The following RSRP1 variants were observed in gnomAD, a reference collection of about 807,000 sequenced individuals.
The protein encoded by RSRP1 is arginine and serine rich protein 1.
RSRP1 carries 37 observed loss-of-function variants against 33.0 expected under a neutral mutation model. The observed-to-expected ratio is 1.12, with a 90% CI of 0.86 to 1.48. The LOEUF (loss-of-function observed/expected upper bound fraction) is 1.48, where lower values mean the gene tolerates loss of function less well. RSRP1 is among the 40% of genes most tolerant of loss of function. The pLI, the probability that RSRP1 is intolerant of heterozygous loss-of-function variation, is 0.00. For missense variants in RSRP1, 402 were observed against 385.3 expected, an observed-to-expected ratio of 1.04 and a Z score of -0.36; for synonymous variants, 167 against 158.7, an observed-to-expected ratio of 1.05 and a Z score of -0.40.
chr1:25,259,979 C>G (rs1640078877), intron 1 of RSRP1, among the ~76,000 whole-genome samples: 1 of 151,800 alleles, frequency 6.6e-6, no homozygotes. Flanking sequence ...GATACGACAG[C>G]TCTCTGTGCA....
At position 25,303,735 on chromosome 1, in the gene RSRP1, G is replaced by T. The variant is rs1211386625; in HGVS notation, c.-67+34243C>A. 1.5e-5 allele frequency among the ~76,000 whole-genome samples: 2 copies of T among 131,762 alleles called. 1 individual carries two copies. The highest frequency in any genetic ancestry group is 3.6e-5 in the Non-Finnish European group (2 of 55,642). The allele number at this position is 131,762 out of a possible 152,430, so 86.4% of individuals were successfully genotyped here. On this transcript the variant is annotated intron_variant, in intron 1 of 1. Coordinates refer to the RSRP1 transcript ENST00000561867. ...GTCACAGAACTCAAGGACAGGGACT[G>T]GAGTGTTGTGGGGAGCCCCGAAGCC...
At chr1:25,295,850 A>G (rs28451966) in intron 1 of RSRP1, among the ~76,000 whole-genome samples, 72,147 of 81,334 alleles carry the variant, frequency 0.89, 33,213 homozygotes, top group South Asian at 0.98. Flanking sequence ...AATATGGGAA[A>G]TTTTTTTTTT....
At chr1:25,303,674 G>A (rs1643576234) in intron 1 of RSRP1, among the ~76,000 whole-genome samples, 2 of 131,860 alleles carry the variant, frequency 1.5e-5, no homozygotes, top group South Asian at 4.6e-4. Context: ...AGCTTGCTTG[G>A]GCATTGGGGA....
chr1:25,251,127 C>G (rs911622657), upstream of RSRP1, among the ~76,000 whole-genome samples: 3 of 152,056 alleles, frequency 2.0e-5, no homozygotes, highest in African/African-American at 7.2e-5. Context: ...AGGAAACAGA[C>G]CTCAATCCCA....
In RSRP1 at chr1:25,245,282, T is replaced by C; in HGVS notation, c.540A>G (p.Glu180=). 1 of 1,613,816 alleles carries C rather than the reference T, an allele frequency of 6.2e-7. No individual in the cohort carries two copies. Among genetic ancestry groups the C allele is most frequent in the Non-Finnish European group, 8.5e-7 (1 of 1,179,900 alleles). Residue 180 remains glutamate, a synonymous_variant, in exon 3 of 5, where the codon GAA becomes GAG. Transcript: ENST00000243189. Reference sequence around the variant, plus strand: ...CTTTCGCTGCATTGGTTTTTGCTATTTCTAACAGCTCCATTCGATCTAAAA... The same window carrying C: ...CTTTCGCTGCATTGGTTTTTGCTATCTCTAACAGCTCCATTCGATCTAAAA... ...LSEKDRMELL[E]IAKTNAAKAL... is the part of the protein sequence containing the mutation.
In RSRP1 at chr1:25,274,014, C is replaced by T. The variant is rs602929; in HGVS notation, c.-66-26985G>A. 2.3e-5 allele frequency among the ~76,000 whole-genome samples: 3 copies of T among 132,556 alleles called. 1 individual carries two copies. The highest frequency in any genetic ancestry group is 1.9e-4 in the East Asian group (1 of 5,144). The allele number at this position is 132,556 out of a possible 152,430, so 87.0% of individuals were successfully genotyped here. On this transcript the variant is annotated intron_variant, in intron 1 of 1. Coordinates refer to the RSRP1 transcript ENST00000561867. ...CAATTTTAATTCACTTCAATTTACTCTAATTCATTTCAATCCAATACAATT... is the reference window on the plus strand; with the variant it reads ...CAATTTTAATTCACTTCAATTTACTTTAATTCATTTCAATCCAATACAATT...
intron 1 of RSRP1, among the ~76,000 whole-genome samples, chr1:25,302,716 A>G (rs1643487111): frequency 7.6e-6 from 1 of 131,062 alleles, no homozygotes; most frequent in Admixed American, 7.4e-5. Flanking sequence ...AATAATAATA[A>G]TAAAAACAAT....
At position 25,306,513 on chromosome 1, in the gene RSRP1, C is replaced by T. The variant is rs1254925516; in HGVS notation, c.-67+31465G>A. On this transcript the variant is annotated intron_variant, in intron 1 of 1. Coordinates refer to the RSRP1 transcript ENST00000561867. Reference sequence around the variant, plus strand: ...AGTGCCCATCCCCCTTTGGTGGCCCCGGATACCAAGGGTGTGTGAAAGGGG... The same window carrying T: ...AGTGCCCATCCCCCTTTGGTGGCCCTGGATACCAAGGGTGTGTGAAAGGGG... 2.1e-5 allele frequency: 26 copies of T among 1,264,286 alleles called. 7 individuals are homozygous for T. The highest frequency in any genetic ancestry group is 3.6e-5 in the Admixed American group (2 of 55,538). The allele number at this position is 1,264,286 out of a possible 1,614,324, so 78.3% of individuals were successfully genotyped here. A position where few individuals can be genotyped will look rare whatever the true frequency, so the allele number is the denominator to read the frequency against.
upstream of RSRP1, chr1:25,338,253 G>A (rs1482762432): frequency 1.3e-5 from 2 of 152,286 alleles, no homozygotes; most frequent in Non-Finnish European, 2.9e-5. Flanking sequence ...ACGCGTTGTT[G>A]TGGTGGGCGT....
Position 25,289,840 on chromosome 1 carries a change from AT to A in RSRP1, c.-66-42812del, listed in dbSNP as rs1642339258. ...ATAAGTACATTTTTTTTTTTTTTGG[AT>A]CATAAGTATCTTCAAGACCAAAATA... On this transcript the variant is annotated intron_variant, in intron 1 of 1. Transcript: ENST00000561867. Among the ~76,000 whole-genome samples the A allele has an allele frequency of 2.6e-5, 3 of 114,446 alleles. No homozygotes were observed. In the East Asian group the frequency reaches 6.4e-4, roughly 24 times the overall value. The allele number at this position is 114,446 out of a possible 152,430, so 75.1% of individuals were successfully genotyped here.
intron 1 of RSRP1, among the ~76,000 whole-genome samples, chr1:25,262,791 A>T (rs974013592): frequency 1.1e-4 from 16 of 152,234 alleles, no homozygotes; most frequent in Non-Finnish European, 1.5e-5. Context: ...TCCAGCTCCA[A>T]GAGAGTAAGA....
rs1271948912 is a variant in RSRP1, at chr1:25,289,990, GGAA to G, written c.-66-42964_-66-42962del. Among the ~76,000 whole-genome samples the G allele has an allele frequency of 1.6e-5, 2 of 128,764 alleles. 1 individual carries two copies. Among genetic ancestry groups the G allele is most frequent in the Non-Finnish European group, 3.6e-5 (2 of 54,800 alleles). 84.5% of individuals were successfully genotyped at this position (128,764 alleles called of 152,430 possible). A position where few individuals can be genotyped will look rare whatever the true frequency, so the allele number is the denominator to read the frequency against. On this transcript the variant is annotated intron_variant, in intron 1 of 1. Coordinates refer to the RSRP1 transcript ENST00000561867. ...AGTCTTGGTGCTAGACACACCGATA[GGAA>G]GAATACTCCTTCACATCCCCAGGAC...
At chr1:25,286,482 C>G (rs566317176) in intron 1 of RSRP1, among the ~76,000 whole-genome samples, 1 of 135,146 alleles carries the variant, frequency 7.4e-6, no homozygotes, top group Non-Finnish European at 1.8e-5. Flanking sequence ...GAGTGAGACC[C>G]TGTCTCAAAA....
rs1470777817 is a variant in RSRP1, at chr1:25,283,880, G to A, written c.-66-36851C>T. ...AATTAAACCAAAGTGCTCACCCTCC[G>A]CTTTGCTGGGCCCCTCCCTGCCCTC... On this transcript the variant is annotated intron_variant, in intron 1 of 1. Coordinates refer to the RSRP1 transcript ENST00000561867. 1.5e-5 allele frequency among the ~76,000 whole-genome samples: 2 copies of A among 133,932 alleles called. 1 individual carries two copies. Among genetic ancestry groups the A allele is most frequent in the Non-Finnish European group, 3.5e-5 (2 of 57,026 alleles). 87.9% of individuals were successfully genotyped at this position (133,932 alleles called of 152,430 possible).
chr1:25,331,842 C>T (rs1351748554), intron 1 of RSRP1, among the ~76,000 whole-genome samples: 1 of 124,202 alleles, frequency 8.1e-6, no homozygotes, highest in South Asian at 2.5e-4. Flanking sequence ...CGGGTTCACG[C>T]CATTCTCCTG....
Position 25,279,864 on chromosome 1 carries a change from C to G in RSRP1, c.-66-32835G>C, listed in dbSNP as rs1162887859. Among the ~76,000 whole-genome samples, 8 of 130,110 alleles carry G rather than the reference C, an allele frequency of 6.1e-5. 2 individuals carry two copies. The highest frequency in any genetic ancestry group is 1.4e-4 in the Non-Finnish European group (8 of 55,602). The allele number at this position is 130,110 out of a possible 152,430, so 85.4% of individuals were successfully genotyped here. A position where few individuals can be genotyped will look rare whatever the true frequency, so the allele number is the denominator to read the frequency against. On this transcript the variant is annotated intron_variant, in intron 1 of 1. Coordinates refer to the RSRP1 transcript ENST00000561867. ...CGGGTAGCACATCCACTTCTTATCACCCCTGAACACCTTAGAGCCCATCAG... is the reference window on the plus strand; with the variant it reads ...CGGGTAGCACATCCACTTCTTATCAGCCCTGAACACCTTAGAGCCCATCAG...
intron 1 of RSRP1, chr1:25,337,948 A>T (rs1645112381): frequency 6.6e-6 from 1 of 151,670 alleles, no homozygotes; most frequent in African/African-American, 2.4e-5. Flanking sequence ...AGTCCTGAGT[A>T]GCGCTGTGTG....
upstream of RSRP1, among the ~76,000 whole-genome samples, chr1:25,249,000 T>A (rs1224257555): frequency 6.6e-6 from 1 of 151,986 alleles, no homozygotes; most frequent in African/African-American, 2.4e-5. Context: ...AATGCAAAAA[T>A]TAGCTTGACA....
chr1:25,242,947 G>A (rs12095187), intron 4 of RSRP1, among the ~76,000 whole-genome samples: 6,456 of 152,156 alleles, frequency 0.042, 494 homozygotes, highest in African/African-American at 0.15. Flanking sequence ...AAAATTAGCC[G>A]GGCGTGGTGG....
Sources: allele counts gnomAD v4.1 joint callset (sites outside exome capture counted in the v4.1 genomes callset), GRCh38; gene constraint gnomAD v4.1.1; transcripts MANE v1.5; gene names NCBI Gene and HGNC (gene_info 2026-07-23, HGNC 2026-07-21).